Variants in SPARCL1 observed in about 807,000 individuals in gnomAD.
SPARCL1 encodes the protein SPARC like 1.
A neutral mutation model predicts 67.1 loss-of-function variants in SPARCL1; 52 were observed. That is an observed-to-expected ratio of 0.78 (90% CI 0.62 to 0.98). SPARCL1 has a LOEUF of 0.98. Ranked by LOEUF, SPARCL1 falls within the 50% of genes least tolerant of loss-of-function variation. The pLI is 0.00. For synonymous variants in SPARCL1, 226 were observed against 267.8 expected (o/e 0.84, Z 1.52); for missense variants, 717 against 782.4 (o/e 0.92, Z 1.00).
chr4:87,510,217 G>A (rs1040127032), intron 1 of SPARCL1, among the ~76,000 whole-genome samples: 1 of 151,712 alleles, frequency 6.6e-6, no homozygotes, highest in Non-Finnish European at 1.5e-5. Flanking sequence ...TATGTGTTCC[G>A]CATGTCTCTT....
chr4:87,521,898 A>G (rs1344899579), intron 1 of SPARCL1, among the ~76,000 whole-genome samples: 1 of 152,218 alleles, frequency 6.6e-6, no homozygotes, highest in Non-Finnish European at 1.5e-5. Flanking sequence ...TATTACAACT[A>G]TGGAAAAATT....
chr4:87,519,826 T>C (rs1471846666), intron 1 of SPARCL1, among the ~76,000 whole-genome samples: 1 of 152,182 alleles, frequency 6.6e-6, no homozygotes, highest in Non-Finnish European at 1.5e-5. Flanking sequence ...CTGTTTCCGT[T>C]TATCTCAACC....
intron 2 of SPARCL1, chr4:87,497,320 T>C (rs1040831445): frequency 1.2e-5 from 7 of 605,704 alleles, no homozygotes; most frequent in Non-Finnish European, 1.4e-5. Flanking sequence ...GTGGCCACTT[T>C]GGTAAGCTGC....
chr4:87,524,775 A>G (rs1320216304), intron 1 of SPARCL1, among the ~76,000 whole-genome samples: 1 of 152,226 alleles, frequency 6.6e-6, no homozygotes, highest in Non-Finnish European at 1.5e-5. Flanking sequence ...AGCAGGACCT[A>G]GACTGGAACC....
chr4:87,522,028 A>C (rs1216240414), intron 1 of SPARCL1, among the ~76,000 whole-genome samples: 2 of 152,196 alleles, frequency 1.3e-5, no homozygotes, highest in Non-Finnish European at 2.9e-5. Flanking sequence ...TCAGAGAGCA[A>C]ATCTCTTAGT....
Position 87,490,346 on chromosome 4 carries a change from G to A in SPARCL1, c.1458C>T (p.Phe486=), listed in dbSNP as rs745444037. ...NQTYASSCHL[F]ATKCRLEGTK... ...TCCCCTCCAGTCTGCATTTAGTAGC[G>A]AATAGATGACAGGAACTAGCATAGG... The change falls in exon 7 of 11, where the codon TTC becomes TTT. Residue 486 remains phenylalanine (F), a synonymous_variant. Transcript: ENST00000282470. 20 of 1,613,194 alleles carry A rather than the reference G, an allele frequency of 1.2e-5. No homozygotes were observed. Among genetic ancestry groups the A allele is most frequent in the Middle Eastern group, 1.6e-4 (1 of 6,078 alleles).
chr4:87,515,136 A>G (rs575720873), intron 1 of SPARCL1, among the ~76,000 whole-genome samples: 2 of 152,348 alleles, frequency 1.3e-5, no homozygotes, highest in Non-Finnish European at 2.9e-5. Context: ...AATCAATATT[A>G]TTTTGCTCAA....
At chr4:87,515,963 T>C (rs1725566281) in intron 1 of SPARCL1, among the ~76,000 whole-genome samples, 1 of 152,220 alleles carries the variant, frequency 6.6e-6, no homozygotes, top group Admixed American at 6.5e-5. Context: ...AGTCTAATTC[T>C]CCTTCCCTTG....
intron 1 of SPARCL1, among the ~76,000 whole-genome samples, chr4:87,504,639 T>G (rs1724998181): frequency 6.6e-6 from 1 of 152,160 alleles, no homozygotes; most frequent in Admixed American, 6.5e-5. Context: ...CCAGCTTTTT[T>G]CTAGTTATTT....
chr4:87,494,739 G>T, intron 3 of SPARCL1, 141 bp from the exon 4 acceptor site: 1 of 886,870 alleles, frequency 1.1e-6, no homozygotes, highest in Non-Finnish European at 1.7e-6. Context: ...ACACTCTGTA[G>T]CCACAGGTTT....
In SPARCL1 at chr4:87,482,542, T is replaced by A. The variant is rs761980542; in HGVS notation, c.1550A>T (p.Asp517Val). 3.1e-6 allele frequency: 5 copies of A among 1,613,906 alleles called. No individual in the cohort carries two copies. The highest frequency in any genetic ancestry group is 4.5e-5 in the East Asian group (2 of 44,888). ...TAGAGGAAACTGAATCACTTCAAAG[T>A]CCGTACAAGTAGGAATAGCTGTTAC... The part of the protein sequence containing the change: ...GACKSIPTCT[D>V]FEVIQFPLRM... The change falls in exon 8 of 11, where the codon GAC becomes GTC. Residue 517 changes from aspartate (D) to valine (V), a missense_variant. Physicochemically the swap from Asp to Val is radical, Grantham distance 152 (BLOSUM62 -3). Transcript: ENST00000282470.
chr4:87,528,867 A>G (rs1726161061), intron 1 of SPARCL1, among the ~76,000 whole-genome samples, 178 bp downstream of exon 1: 1 of 152,232 alleles, frequency 6.6e-6, no homozygotes, highest in South Asian at 2.1e-4. Flanking sequence ...ACAAGAAAAC[A>G]TGAATACAAA....
At chr4:87,506,154 C>A (rs181629342) in intron 1 of SPARCL1, among the ~76,000 whole-genome samples, 9 of 152,236 alleles carry the variant, frequency 5.9e-5, no homozygotes, top group African/African-American at 2.2e-4. Flanking sequence ...TGATTGAGAA[C>A]CATTGGTTTA....
intron 1 of SPARCL1, among the ~76,000 whole-genome samples, chr4:87,511,826 T>C (rs1560827106): frequency 6.6e-6 from 1 of 151,714 alleles, no homozygotes; most frequent in Non-Finnish European, 1.5e-5. Context: ...GGGCAGTGAG[T>C]GTAGACCACT....
In SPARCL1 at chr4:87,494,204, T is replaced by G; in HGVS notation, c.596A>C (p.Asn199Thr). ...CTCTTTTTCTTCTTCCTCTTCTCCA[T>G]TGGAAATATTTGGATCCTGCTCTTG... ...GNQEQDPNIS[N>T]GEEEEEKEPG... Residue 199 changes from asparagine to threonine, a missense_variant, in exon 4 of 11, where the codon AAT becomes ACT. Asn to Thr is a moderately conservative substitution (Grantham distance 65). Transcript: ENST00000282470. The G allele has an allele frequency of 6.2e-7, 1 of 1,614,124 alleles. No individual in the cohort carries two copies. The highest frequency in any genetic ancestry group is 1.1e-5 in the South Asian group (1 of 91,078).
At chr4:87,490,061 AC>A (rs1447686165) in intron 7 of SPARCL1, among the ~76,000 whole-genome samples, 2 of 152,210 alleles carry the variant, frequency 1.3e-5, no homozygotes, top group East Asian at 1.9e-4. Flanking sequence ...AATAAAAAAA[AC>A]AATGTCAGGA....
At chr4:87,514,937 C>T (rs1485462788) in intron 1 of SPARCL1, among the ~76,000 whole-genome samples, 1 of 152,110 alleles carries the variant, frequency 6.6e-6, no homozygotes, top group Admixed American at 6.5e-5. Context: ...ACCATTTATT[C>T]TTGGATGAGT....
intron 7 of SPARCL1, among the ~76,000 whole-genome samples, chr4:87,487,138 A>T (rs1194000253): frequency 1.3e-5 from 2 of 151,808 alleles, no homozygotes; most frequent in Non-Finnish European, 2.9e-5. Context: ...TGTCATTATG[A>T]TGCTAGCTGG....
rs143774436 is a variant in SPARCL1 at position 87,511,619 on chromosome 4, G to A, written c.-11-12034C>T. Reference sequence around the variant, plus strand: ...GAAGAGCTAAAGATACAAACAGTGAGAGAAAGAAGAGTCACATGAGAAAAG... The same window carrying A: ...GAAGAGCTAAAGATACAAACAGTGAAAGAAAGAAGAGTCACATGAGAAAAG... On this transcript the variant is annotated intron_variant, in intron 1 of 10. Coordinates refer to ENST00000282470, the MANE Select transcript of SPARCL1 (RefSeq NM_004684.6). Among the ~76,000 whole-genome samples the A allele has an allele frequency of 6.8e-3, 1,030 of 152,330 alleles. 5 individuals are homozygous for A. Among genetic ancestry groups the A allele is most frequent in the Middle Eastern group, 0.024 (7 of 292 alleles).
Sources: allele counts gnomAD v4.1 joint callset (sites outside exome capture counted in the v4.1 genomes callset), GRCh38; gene constraint gnomAD v4.1.1; transcripts MANE v1.5; gene names NCBI Gene and HGNC (gene_info 2026-07-23, HGNC 2026-07-21).